Variants in LAMA1 observed in about 807,000 individuals in gnomAD.
The protein encoded by LAMA1 is laminin subunit alpha 1.
Under a neutral mutation model 348.7 loss-of-function variants are expected in LAMA1, and 219 were observed. The ratio of observed to expected loss-of-function variants is 0.63; its 90% confidence interval spans 0.56 to 0.70. The LOEUF is 0.70. Ranked by LOEUF, LAMA1 falls within the 30% of genes least tolerant of loss-of-function variation. The pLI is 0.00. For synonymous variants in LAMA1, 1,487 were observed against 1,491.0 expected, an observed-to-expected ratio of 1.00 and a Z score of 0.06; for missense variants, 3,744 against 3,888.0, an observed-to-expected ratio of 0.96 and a Z score of 0.99.
intron 3 of LAMA1, among the ~76,000 whole-genome samples, chr18:7,077,447 C>T (rs758642330): frequency 1.6e-4 from 25 of 152,080 alleles, no homozygotes; most frequent in East Asian, 5.8e-4. Flanking sequence ...CCTCGTGATC[C>T]GCCCACCTCA....
intron 9 of LAMA1, among the ~76,000 whole-genome samples, chr18:7,041,594 C>T (rs2058020921): frequency 6.6e-6 from 1 of 152,182 alleles, no homozygotes; most frequent in Non-Finnish European, 1.5e-5. Flanking sequence ...AGTCAATTTG[C>T]CAGTTTTTGA....
chr18:7,055,009 G>A (rs144016223), intron 3 of LAMA1, among the ~76,000 whole-genome samples: 5 of 152,070 alleles, frequency 3.3e-5, no homozygotes, highest in South Asian at 2.1e-4. Context: ...TCAATAATAG[G>A]CTATTAGTAG....
rs748385507 is a variant in LAMA1 at position 6,975,924 on chromosome 18, GT to G, written c.6489+12del. Reference sequence around the variant, plus strand: ...AAAGATTCAGTGTCGCTTTCCAAAGGTCCATAACTTACAGCGGTGCTGCTAC... The same window carrying G: ...AAAGATTCAGTGTCGCTTTCCAAAGGCCATAACTTACAGCGGTGCTGCTAC... On this transcript the variant is annotated intron_variant, in intron 45 of 62. Transcript: ENST00000389658. 6.2e-7 allele frequency: 1 copy of G among 1,613,984 alleles called. No individual in the cohort carries two copies. The highest frequency in any genetic ancestry group is 8.5e-7 in the Non-Finnish European group (1 of 1,179,982).
Position 7,016,585 on chromosome 18 carries a change from A to G in LAMA1, c.2895T>C (p.Asp965=). The change falls in exon 21 of 63, where the codon GAT becomes GAC. Residue 965 remains aspartate, a synonymous_variant. Coordinates refer to ENST00000389658, the MANE Select transcript of LAMA1 (RefSeq NM_005559.4). ...VAGSVSDGCT[D]EGQCHCVPGV... ...CTGGGACACAGTGACACTGGCCTTCATCCGTGCAGCCATCTGACACGGAGC... is the reference window on the plus strand; with the variant it reads ...CTGGGACACAGTGACACTGGCCTTCGTCCGTGCAGCCATCTGACACGGAGC... 2 of 1,614,192 alleles carry G rather than the reference A, an allele frequency of 1.2e-6. No individual in the cohort carries two copies. Among genetic ancestry groups the G allele is most frequent in the Non-Finnish European group, 1.7e-6 (2 of 1,180,028 alleles).
intron 1 of LAMA1, among the ~76,000 whole-genome samples, chr18:7,107,407 C>A (rs1179479976): frequency 6.6e-6 from 1 of 151,856 alleles, no homozygotes; most frequent in South Asian, 2.1e-4. Context: ...CGTGAGCCAC[C>A]GCCCCCAGCC....
In LAMA1 at chr18:6,986,227, C is replaced by A; in HGVS notation, c.5289G>T (p.Ala1763=). Residue 1763 remains alanine (A), a synonymous_variant, in exon 37 of 63, where the codon GCG becomes GCT. Coordinates refer to ENST00000389658, the MANE Select transcript of LAMA1 (RefSeq NM_005559.4). Reference sequence around the variant, plus strand: ...CAGCTTCCCTCACGAGCGCCTCAGCCGCCTTTAGTTCATTGTTGTGCTTTG... The same window carrying A: ...CAGCTTCCCTCACGAGCGCCTCAGCAGCCTTTAGTTCATTGTTGTGCTTTG... The part of the protein sequence containing the change: ...VLSKHNNELK[A]AEALVREAEA... 6.2e-7 allele frequency: 1 copy of A among 1,614,190 alleles called. No homozygotes were observed. The highest frequency in any genetic ancestry group is 1.3e-5 in the African/African-American group (1 of 75,036).
At chr18:6,984,371 G>A (rs35178451) in intron 39 of LAMA1, among the ~76,000 whole-genome samples, 26,732 of 152,020 alleles carry the variant, frequency 0.18, 2,927 homozygotes, top group Non-Finnish European at 0.25. Flanking sequence ...CACCCATAAC[G>A]CATAGCAAAT....
intron 1 of LAMA1, among the ~76,000 whole-genome samples, chr18:7,112,016 G>C (rs1175134653): frequency 1.7e-4 from 26 of 152,114 alleles, no homozygotes; most frequent in Admixed American, 1.6e-3. Flanking sequence ...ACGTGTAATA[G>C]AATTGTTCTC....
At chr18:6,962,142 C>T (rs1275480539) in intron 51 of LAMA1, 83 bp from the exon 52 acceptor site, 1 of 936,734 alleles carries the variant, frequency 1.1e-6, no homozygotes, top group African/African-American at 1.6e-5. Flanking sequence ...AGCCACTGGG[C>T]AAGGCACAGT....
chr18:7,093,774 C>CTT (rs34130725), intron 1 of LAMA1, among the ~76,000 whole-genome samples: 8 of 124,624 alleles, frequency 6.4e-5, no homozygotes, highest in Non-Finnish European at 3.3e-5. Flanking sequence ...GGTTTCTCAA[C>CTT]TTTTTTTTTT....
In LAMA1 at chr18:6,961,749, C is replaced by T. The variant is rs2057608807; in HGVS notation, c.7463G>A (p.Ser2488Asn). 1 of 1,614,148 alleles carries T rather than the reference C, an allele frequency of 6.2e-7. No individual in the cohort carries two copies. Among genetic ancestry groups the T allele is most frequent in the African/African-American group, 1.3e-5 (1 of 75,052 alleles). Residue 2488 changes from serine (S) to asparagine (N), a missense_variant, in exon 53 of 63, where the codon AGT (serine) becomes AAT (asparagine). Coordinates refer to ENST00000389658, the MANE Select transcript of LAMA1 (RefSeq NM_005559.4). ...RKGCLLEPIR[S>N]VSFLKGGYIE... Reference sequence around the variant, plus strand: ...GTAGCCGCCTTTCAGGAAGCTAACACTCCGGATGGGCTGGACACAGAGGAG... The same window carrying T: ...GTAGCCGCCTTTCAGGAAGCTAACATTCCGGATGGGCTGGACACAGAGGAG...
intron 1 of LAMA1, among the ~76,000 whole-genome samples, chr18:7,098,501 G>A (rs1290272370): frequency 2.4e-4 from 35 of 143,642 alleles, no homozygotes; most frequent in African/African-American, 8.2e-4. Flanking sequence ...CTGCCCCGCC[G>A]CCCCGTCTGG....
intron 5 of LAMA1, among the ~76,000 whole-genome samples, chr18:7,047,319 A>C (rs547872033): frequency 2.9e-4 from 44 of 152,168 alleles, no homozygotes; most frequent in Non-Finnish European, 6.2e-4. Flanking sequence ...CTGGGATTAC[A>C]GCATGAGCCA....
chr18:6,999,366 T>G, intron 32 of LAMA1, 79 bp downstream of exon 32: 1 of 1,384,476 alleles, frequency 7.2e-7, no homozygotes, highest in Admixed American at 1.7e-5. Flanking sequence ...GCAGACACTT[T>G]AGCGTGCCGT....
At chr18:7,003,500 T>C (rs988426863) in intron 29 of LAMA1, among the ~76,000 whole-genome samples, 1 of 152,170 alleles carries the variant, frequency 6.6e-6, no homozygotes, top group Non-Finnish European at 1.5e-5. Flanking sequence ...CCTTGTGATC[T>C]GCCCGCCTCG....
At chr18:7,061,467 G>A (rs529256431) in intron 3 of LAMA1, among the ~76,000 whole-genome samples, 10 of 152,144 alleles carry the variant, frequency 6.6e-5, no homozygotes, top group South Asian at 2.1e-4. Context: ...TGCAGTTACA[G>A]GCCATTCTCA....
chr18:6,982,444 C>T (rs538815), intron 41 of LAMA1, 53 bp downstream of exon 41: 1,016,313 of 1,447,094 alleles, frequency 0.7, 359,436 homozygotes, highest in East Asian at 0.89. Context: ...GGCTGCTCAG[C>T]GAGACGCTCA....
chr18:6,997,509 C>T (rs1411361193), intron 33 of LAMA1, among the ~76,000 whole-genome samples: 1 of 152,108 alleles, frequency 6.6e-6, no homozygotes, highest in East Asian at 1.9e-4. Flanking sequence ...CTCCAGAGAG[C>T]ACTGAAATGA....
At chr18:6,965,587 GC>G in intron 49 of LAMA1, 155 bp from the exon 50 acceptor site, 1 of 731,736 alleles carries the variant, frequency 1.4e-6, no homozygotes, top group Non-Finnish European at 2.3e-6. Context: ...AACCAAAAAT[GC>G]CCACGAAGGC....
Sources: gnomAD v4.1 joint callset for allele counts (sites outside exome capture counted in the v4.1 genomes callset) on GRCh38, gnomAD v4.1.1 for gene constraint, MANE v1.5 for transcripts, NCBI Gene and HGNC (gene_info 2026-07-23, HGNC 2026-07-21) for gene names.